PANK2: variants seen among roughly 807,000 people sequenced by gnomAD.
The protein encoded by PANK2 is pantothenate kinase 2.
Under a neutral mutation model 43.1 loss-of-function variants are expected in PANK2, and 36 were observed. That is an observed-to-expected ratio of 0.84 (90% CI 0.64 to 1.10). PANK2 has a LOEUF of 1.10. Among genes scored for constraint, PANK2 ranks in the 50% least tolerant of loss-of-function variants. The probability of loss-of-function intolerance (pLI) is 0.00; values close to 1 mark genes in which losing one functional copy is unlikely to be tolerated. For missense variants in PANK2, 576 were observed against 593.3 expected, an observed-to-expected ratio of 0.97 and a Z score of 0.30; for synonymous variants, 281 against 238.2, an observed-to-expected ratio of 1.18 and a Z score of -1.66.
At chr20:3,889,907 C>T (rs1364395622) in intron 1 of PANK2, 179 bp downstream of exon 1, 18 of 1,532,348 alleles carry the variant, frequency 1.2e-5, no homozygotes, top group Non-Finnish European at 1.6e-5. Flanking sequence ...AAAGCGGTAC[C>T]TTCGGGGGCC....
chr20:3,919,173 A>G (rs972380232), intron 6 of PANK2, among the ~76,000 whole-genome samples: 7 of 152,136 alleles, frequency 4.6e-5, no homozygotes, highest in African/African-American at 1.7e-4. Context: ...CAGCCTCCCA[A>G]AGTTCCAGGA....
chr20:3,921,124 A>G (rs1423099376), intron 6 of PANK2, among the ~76,000 whole-genome samples: 1 of 152,152 alleles, frequency 6.6e-6, no homozygotes, highest in Admixed American at 6.5e-5. Context: ...ATACGTATAC[A>G]TGTGCCATGT....
chr20:3,899,703 C>CTTT (rs11469308), intron 1 of PANK2, among the ~76,000 whole-genome samples: 19 of 88,994 alleles, frequency 2.1e-4, no homozygotes, highest in East Asian at 6.4e-4. Context: ...ATCAGTTGTA[C>CTTT]TTTTTTTTTT....
intron 2 of PANK2, chr20:3,908,567 A>G: frequency 2.5e-6 from 1 of 399,856 alleles, no homozygotes; most frequent in Non-Finnish European, 4.6e-6. Flanking sequence ...TAAAAGGAAC[A>G]TCATTAGATC....
chr20:3,921,261 TC>T (rs2090643130), intron 6 of PANK2: 3 of 151,260 alleles, frequency 2.0e-5, no homozygotes, highest in African/African-American at 7.3e-5. Context: ...CCAAGTGTTC[TC>T]ATTGTTCAGT....
chr20:3,905,035 T>G (rs1372518219), intron 1 of PANK2, among the ~76,000 whole-genome samples: 3 of 152,216 alleles, frequency 2.0e-5, no homozygotes, highest in Admixed American at 6.5e-5. Context: ...GCCATCCTGA[T>G]TCTGGGGCTC....
chr20:3,910,004 C>G (rs1436198195), intron 2 of PANK2, among the ~76,000 whole-genome samples: 1 of 152,156 alleles, frequency 6.6e-6, no homozygotes, highest in Non-Finnish European at 1.5e-5. Context: ...CAAATTTTGA[C>G]TGCTAAAATT....
At position 3,889,391 on chromosome 20, in the gene PANK2, T is replaced by G. The variant is rs555683860; in HGVS notation, c.-40T>G. Reference sequence around the variant, plus strand: ...GCCGGCCGAGGGCGCGCCTCTGCTCTGGCTGGACTGCCGCGGAGGAGGCGA... The same window carrying G: ...GCCGGCCGAGGGCGCGCCTCTGCTCGGGCTGGACTGCCGCGGAGGAGGCGA... On this transcript the variant is annotated 5_prime_UTR_variant, in exon 1 of 7. Coordinates refer to ENST00000610179, the MANE Select transcript of PANK2 (RefSeq NM_001386393.1). 5.1e-6 allele frequency: 8 copies of G among 1,574,552 alleles called. No individual in the cohort carries two copies. The highest frequency in any genetic ancestry group is 3.3e-4 in the Middle Eastern group (2 of 6,000).
chr20:3,892,493 G>C (rs922372060), intron 1 of PANK2, among the ~76,000 whole-genome samples: 1 of 151,870 alleles, frequency 6.6e-6, no homozygotes, highest in African/African-American at 2.4e-5. Context: ...CCACCTTTCT[G>C]GTGAAACCCT....
chr20:3,927,477 T>G lies in PANK2; in HGVS notation c.*4183T>G, dbSNP rs1475458923. ...TTTAAAAATATTCTGCTGCAGAATTTTTAGTGTACAAAGACGTCTATGAAA... is the reference window on the plus strand; with the variant it reads ...TTTAAAAATATTCTGCTGCAGAATTGTTAGTGTACAAAGACGTCTATGAAA... On this transcript the variant is annotated 3_prime_UTR_variant, in exon 7 of 7. Transcript: ENST00000610179. 1 of 152,200 alleles carries G rather than the reference T, an allele frequency of 6.6e-6. No individual in the cohort carries two copies. Among genetic ancestry groups the G allele is most frequent in the East Asian group, 1.9e-4 (1 of 5,202 alleles). The allele number at this position is 152,200 out of a possible 1,614,324, so 9.4% of individuals were successfully genotyped here. A position where few individuals can be genotyped will look rare whatever the true frequency, so the allele number is the denominator to read the frequency against.
chr20:3,889,475 AG>A lies in PANK2; in HGVS notation c.50del (p.Gly17AlafsTer78). ...GGCAGCGACTGCTGCTGCGGATGGG[AG>A]GGGGCCGGCTCGGCGCGCCCATGGA... On this transcript the variant is annotated frameshift_variant, in exon 1 of 7. Coordinates refer to ENST00000610179, the MANE Select transcript of PANK2 (RefSeq NM_001386393.1). LOFTEE classifies it high-confidence loss of function. 2.6e-6 allele frequency: 4 copies of A among 1,522,334 alleles called. No homozygotes were observed. The highest frequency in any genetic ancestry group is 3.5e-6 in the Non-Finnish European group (4 of 1,143,626). 94.3% of individuals were successfully genotyped at this position (1,522,334 alleles called of 1,614,324 possible). A position where few individuals can be genotyped will look rare whatever the true frequency, so the allele number is the denominator to read the frequency against.
intron 1 of PANK2, among the ~76,000 whole-genome samples, chr20:3,900,462 T>C (rs966645850): frequency 6.6e-6 from 1 of 151,914 alleles, no homozygotes; most frequent in Non-Finnish European, 1.5e-5. Flanking sequence ...AGTGAGGTGC[T>C]TAAGAGTGCT....
At chr20:3,909,670 A>C (rs1389476339) in intron 2 of PANK2, among the ~76,000 whole-genome samples, 1 of 151,708 alleles carries the variant, frequency 6.6e-6, no homozygotes, top group Non-Finnish European at 1.5e-5. Context: ...GCTCACTGCA[A>C]CCTCTGCCTC....
chr20:3,913,526 T>G (rs1034128780), intron 4 of PANK2, among the ~76,000 whole-genome samples: 1 of 151,910 alleles, frequency 6.6e-6, no homozygotes, highest in Non-Finnish European at 1.5e-5. Flanking sequence ...TATTTTTTAG[T>G]AGGGAAAGGA....
intron 1 of PANK2, among the ~76,000 whole-genome samples, chr20:3,905,755 AC>A (rs1434252763): frequency 7.3e-6 from 1 of 136,170 alleles, no homozygotes; most frequent in Non-Finnish European, 1.6e-5. Context: ...TTGCTCTGTC[AC>A]CCAGGCTGTA....
At chr20:3,888,952 ACGCTGC>A, upstream of PANK2, 5 of 558,460 alleles carry the variant, frequency 9.0e-6, no homozygotes, top group Non-Finnish European at 1.2e-5. Context: ...CAGCGGCCAG[ACGCTGC>A]GGGAGCACTG....
chr20:3,918,875 G>A, intron 6 of PANK2, 79 bp downstream of exon 6: 1 of 1,606,380 alleles, frequency 6.2e-7, no homozygotes, highest in Non-Finnish European at 8.5e-7. Flanking sequence ...TTGAGGTAGA[G>A]GGTGGAGGTG....
At chr20:3,918,607 G>A (rs2090599449) in intron 5 of PANK2, 64 bp from the exon 6 acceptor site, 1 of 1,605,038 alleles carries the variant, frequency 6.2e-7, no homozygotes. Context: ...CTGTATTTGG[G>A]GTAGCTTTTA....
At chr20:3,918,398 C>T (rs2090596202) in intron 5 of PANK2, among the ~76,000 whole-genome samples, 1 of 151,808 alleles carries the variant, frequency 6.6e-6, no homozygotes, top group African/African-American at 2.4e-5. Flanking sequence ...CTGTATAAAA[C>T]ATTGTATTCA....
Sources: allele counts gnomAD v4.1 joint callset (sites outside exome capture counted in the v4.1 genomes callset), GRCh38; gene constraint gnomAD v4.1.1; transcripts MANE v1.5; gene names NCBI Gene and HGNC (gene_info 2026-07-23, HGNC 2026-07-21).